The following TMEM178B variants were observed in gnomAD, a reference collection of about 807,000 sequenced individuals.
TMEM178B encodes the protein transmembrane protein 178B.
A neutral mutation model predicts 31.0 loss-of-function variants in TMEM178B; 5 were observed. The ratio of observed to expected loss-of-function variants is 0.16; its 90% CI spans 0.08 to 0.34. The LOEUF (loss-of-function observed/expected upper bound fraction) is 0.34. TMEM178B is among the 10% of genes least tolerant of loss of function. TMEM178B has a pLI of 1.00. For missense variants in TMEM178B, 275 were observed against 400.3 expected (o/e 0.69, Z 2.67); for synonymous variants, 164 against 164.0 (o/e 1.00, Z 0.00).
chr7:141,246,001 T>A (rs1429467593), intron 2 of TMEM178B, among the ~76,000 whole-genome samples: 1 of 150,544 alleles, frequency 6.6e-6, no homozygotes, highest in Non-Finnish European at 1.5e-5. Context: ...ATGATGCGAT[T>A]TTTTTTTTTC....
intron 2 of TMEM178B, among the ~76,000 whole-genome samples, chr7:141,411,952 G>A (rs1475621269): frequency 6.6e-6 from 1 of 152,186 alleles, no homozygotes; most frequent in Non-Finnish European, 1.5e-5. Flanking sequence ...AGGGTGCAGG[G>A]AAACCGTATT....
At chr7:141,241,590 C>CAAAA (rs766018973) in intron 2 of TMEM178B, among the ~76,000 whole-genome samples, 22 of 75,916 alleles carry the variant, frequency 2.9e-4, no homozygotes, top group African/African-American at 3.9e-4. Context: ...GACTTCGTCT[C>CAAAA]AAAAAAAAAA....
intron 1 of TMEM178B, among the ~76,000 whole-genome samples, chr7:141,097,336 G>A (rs938624333): frequency 1.9e-4 from 26 of 137,342 alleles, no homozygotes; most frequent in Non-Finnish European, 3.2e-4. Context: ...ACTGCAGTCC[G>A]GCCTGGGCGA....
intron 2 of TMEM178B, among the ~76,000 whole-genome samples, chr7:141,213,036 A>C (rs2129187911): frequency 6.6e-6 from 1 of 152,334 alleles, no homozygotes; most frequent in Non-Finnish European, 1.5e-5. Context: ...ATTTATTAAT[A>C]ATTCCAGCCT....
chr7:141,187,954 C>T (rs1796637773), intron 1 of TMEM178B, among the ~76,000 whole-genome samples: 2 of 152,056 alleles, frequency 1.3e-5, no homozygotes, highest in Admixed American at 1.3e-4. Flanking sequence ...TAATTAGATC[C>T]CATTTGTCAA....
chr7:141,276,591 GGGGGTA>G (rs879617057), intron 2 of TMEM178B, among the ~76,000 whole-genome samples: 22,763 of 152,124 alleles, frequency 0.15, 1,988 homozygotes, highest in African/African-American at 0.23. Context: ...GCAGCAGCAT[GGGGGTA>G]GCTGCCCCCA....
Position 141,074,427 on chromosome 7 carries a change from C to T in TMEM178B, c.117C>T (p.His39=), listed in dbSNP as rs1427964961. 4 of 1,536,152 alleles carry T rather than the reference C, an allele frequency of 2.6e-6. No homozygotes were observed. Among genetic ancestry groups the T allele is most frequent in the Middle Eastern group, 1.7e-4 (1 of 5,990 alleles). Residue 39 remains histidine (H), a synonymous_variant, in exon 1 of 4, where the codon CAC becomes CAT. Transcript: ENST00000565468. The surrounding 1 kb of genome is among the most constrained non-coding windows in gnomAD (Gnocchi z 5.1). ...GGTACGAGACGGACGCCAGGAAGCACAGGGACAGGTGCAAGGCCTTCAACA... is the reference window on the plus strand; with the variant it reads ...GGTACGAGACGGACGCCAGGAAGCATAGGGACAGGTGCAAGGCCTTCAACA... ...DHWYETDARK[H]RDRCKAFNTR... is the part of the protein sequence containing the mutation.
At chr7:141,207,463 T>A (rs183604097) in intron 1 of TMEM178B, among the ~76,000 whole-genome samples, 1 of 152,340 alleles carries the variant, frequency 6.6e-6, no homozygotes. Flanking sequence ...CTTATTTATT[T>A]ATTTTGATAA....
the TMEM178B span, among the ~76,000 whole-genome samples, chr7:141,502,107 T>C: frequency 6.6e-6 from 1 of 152,130 alleles, no homozygotes; most frequent in Non-Finnish European, 1.5e-5. Context: ...TTGCTTCATC[T>C]GTTATCCCCT....
At chr7:141,154,551 C>T (rs973943691) in intron 1 of TMEM178B, among the ~76,000 whole-genome samples, 1 of 152,106 alleles carries the variant, frequency 6.6e-6, no homozygotes, top group African/African-American at 2.4e-5. Context: ...TCTTGCTTTT[C>T]TGGGTCAGGG....
At chr7:141,215,473 G>T (rs531513742) in intron 2 of TMEM178B, among the ~76,000 whole-genome samples, 9 of 152,094 alleles carry the variant, frequency 5.9e-5, no homozygotes, top group Admixed American at 4.6e-4. Flanking sequence ...CTACAGGCGT[G>T]TGCCACCATG....
chr7:141,228,173 A>T (rs1014816875), intron 2 of TMEM178B, among the ~76,000 whole-genome samples: 1 of 152,204 alleles, frequency 6.6e-6, no homozygotes, highest in African/African-American at 2.4e-5. Flanking sequence ...TTATTTAATA[A>T]GATCACTTTG....
At chr7:141,424,396 C>CAAAG (rs1381529983) in intron 2 of TMEM178B, among the ~76,000 whole-genome samples, 2 of 152,122 alleles carry the variant, frequency 1.3e-5, no homozygotes, top group Admixed American at 6.5e-5. Context: ...CACTGTTGGC[C>CAAAG]AAAGAGGAGC....
intron 2 of TMEM178B, among the ~76,000 whole-genome samples, chr7:141,324,009 C>T (rs1799144026): frequency 6.6e-6 from 1 of 151,896 alleles, no homozygotes; most frequent in Non-Finnish European, 1.5e-5. Context: ...GTGCAAATGT[C>T]CTGAGGCATC....
intron 1 of TMEM178B, among the ~76,000 whole-genome samples, chr7:141,154,672 A>T (rs371509428): frequency 6.6e-6 from 1 of 151,812 alleles, no homozygotes; most frequent in East Asian, 1.9e-4. Context: ...CTGTTTCTTC[A>T]TGAGTTAGCT....
In TMEM178B at chr7:141,212,638, A is replaced by T. The variant is rs916877883; in HGVS notation, c.430A>T (p.Thr144Ser). Residue 144 changes from threonine (T) to serine (S), a missense_variant, in exon 2 of 4, where the codon ACC becomes TCC. By Grantham distance (58) the Thr-to-Ser change is moderately conservative. Transcript: ENST00000565468. Reference protein sequence around the residue: ...TYIKYHYSSATIPRNLTFNIT... With the variant: ...TYIKYHYSSASIPRNLTFNIT... Reference sequence around the variant, plus strand: ...CATCAAATACCACTACTCCTCAGCAACCATCCCCAGGAACCTCACTTTCAA... The same window carrying T: ...CATCAAATACCACTACTCCTCAGCATCCATCCCCAGGAACCTCACTTTCAA... 1 of 1,536,090 alleles carries T rather than the reference A, an allele frequency of 6.5e-7. No homozygotes were observed.
chr7:141,141,041 C>A (rs1795759914), intron 1 of TMEM178B, among the ~76,000 whole-genome samples: 1 of 152,112 alleles, frequency 6.6e-6, no homozygotes, highest in East Asian at 1.9e-4. Flanking sequence ...CACTTCCCCT[C>A]CTTTAGGATG....
chr7:141,141,261 G>A (rs1003233415), intron 1 of TMEM178B, among the ~76,000 whole-genome samples: 9 of 151,438 alleles, frequency 5.9e-5, no homozygotes, highest in East Asian at 1.9e-4. Flanking sequence ...TGGTTCCTGC[G>A]TTTCTTTGAC....
At chr7:141,341,634 G>C (rs1191224645) in intron 2 of TMEM178B, among the ~76,000 whole-genome samples, 1 of 152,184 alleles carries the variant, frequency 6.6e-6, no homozygotes, top group African/African-American at 2.4e-5. Flanking sequence ...CTGGGAGGCT[G>C]CTTGGGATGA....
Sources: gnomAD v4.1 joint callset for allele counts (sites outside exome capture counted in the v4.1 genomes callset) on GRCh38, gnomAD v4.1.1 for gene constraint, Gnocchi (gnomAD v3.1) non-coding constraint, MANE v1.5 for transcripts, NCBI Gene and HGNC (gene_info 2026-07-23, HGNC 2026-07-21) for gene names.